Variants in CATSPERD observed in about 807,000 individuals in gnomAD.
CATSPERD encodes the protein cation channel sperm-associated auxiliary subunit delta.
In CATSPERD, 86 loss-of-function variants were observed where a neutral mutation model predicts 98.1. The observed-to-expected ratio is 0.88, with a 90% CI of 0.74 to 1.05. The LOEUF (loss-of-function observed/expected upper bound fraction) is 1.05. Ranked by LOEUF, CATSPERD falls within the 50% of genes least tolerant of loss-of-function variation. The pLI is 0.00. For synonymous variants in CATSPERD, 394 were observed against 390.2 expected (o/e 1.01, Z -0.12); for missense variants, 995 against 1,005.7 (o/e 0.99, Z 0.14).
intron 10 of CATSPERD, among the ~76,000 whole-genome samples, chr19:5,748,714 G>T (rs2056144624): frequency 7.2e-6 from 1 of 139,316 alleles, no homozygotes; most frequent in Non-Finnish European, 1.5e-5. Context: ...CCAGAAAATA[G>T]CTGTCATATT....
intron 3 of CATSPERD, among the ~76,000 whole-genome samples, chr19:5,727,566 A>G (rs1323083352): frequency 6.6e-6 from 1 of 152,136 alleles, no homozygotes; most frequent in Non-Finnish European, 1.5e-5. Flanking sequence ...CCACCTGTCA[A>G]AGATGCTTGG....
At chr19:5,769,595 T>C (rs2145855645) in intron 18 of CATSPERD, among the ~76,000 whole-genome samples, 1 of 152,150 alleles carries the variant, frequency 6.6e-6, no homozygotes, top group Middle Eastern at 3.4e-3. Context: ...TTCCATGTGA[T>C]TTGTAAGACC....
intron 18 of CATSPERD, 70 bp from the exon 19 acceptor site, chr19:5,770,874 G>A (rs771785429): frequency 1.6e-5 from 24 of 1,521,936 alleles, no homozygotes; most frequent in East Asian, 2.3e-5. Flanking sequence ...AAGAAACTGC[G>A]GCTGTGAAGG....
At chr19:5,774,618 G>A (rs2056708245) in intron 20 of CATSPERD, among the ~76,000 whole-genome samples, 1 of 152,190 alleles carries the variant, frequency 6.6e-6, no homozygotes, top group Non-Finnish European at 1.5e-5. Flanking sequence ...GAACCTAGGA[G>A]GTGAAGGTTG....
At position 5,724,797 on chromosome 19, in the gene CATSPERD, G is replaced by T. The variant is rs769661887; in HGVS notation, c.72-11G>T. 1.2e-6 allele frequency: 2 copies of T among 1,613,578 alleles called. No homozygotes were observed. Among genetic ancestry groups the T allele is most frequent in the Non-Finnish European group, 1.7e-6 (2 of 1,179,516 alleles). ...TAAAAATTGACAGATGGTCTTTCTT[G>T]TCACTTCTAGTTCTCGCACAGTGAG... On this transcript the variant is annotated splice_polypyrimidine_tract_variant and intron_variant, in intron 1 of 21. Transcript: ENST00000381624.
At chr19:5,733,735 C>T (rs1057396581) in intron 4 of CATSPERD, 121 bp from the exon 5 acceptor site, 13 of 676,882 alleles carry the variant, frequency 1.9e-5, no homozygotes, top group East Asian at 1.1e-4. Flanking sequence ...GGATTACAAG[C>T]GAGGGCCACC....
At chr19:5,731,859 G>A (rs2055732428) in intron 4 of CATSPERD, among the ~76,000 whole-genome samples, 1 of 152,130 alleles carries the variant, frequency 6.6e-6, no homozygotes, top group South Asian at 2.1e-4. Context: ...ACAGGCGTGA[G>A]CCACCGCGCC....
chr19:5,774,446 A>C (rs1030220469), intron 20 of CATSPERD, among the ~76,000 whole-genome samples: 11 of 151,528 alleles, frequency 7.3e-5, no homozygotes, highest in African/African-American at 2.7e-4. Context: ...TAATCCCAGC[A>C]CTTTGGGAGG....
At chr19:5,762,917 A>G (rs2056469451) in intron 15 of CATSPERD, among the ~76,000 whole-genome samples, 1 of 150,350 alleles carries the variant, frequency 6.7e-6, no homozygotes, top group African/African-American at 2.5e-5. Context: ...GGATAGAGAG[A>G]TGAATAGATA....
At chr19:5,739,273 A>C in intron 6 of CATSPERD, 53 bp from the exon 7 acceptor site, 675 of 892,526 alleles carry the variant, frequency 7.6e-4, no homozygotes, top group Non-Finnish European at 1.0e-3. Flanking sequence ...ACGTTCAGGA[A>C]CGTACTTGCT....
chr19:5,728,772 C>T (rs2145687112), intron 3 of CATSPERD, among the ~76,000 whole-genome samples: 1 of 150,764 alleles, frequency 6.6e-6, no homozygotes, highest in East Asian at 2.0e-4. Context: ...AATCTCGGCT[C>T]ACTGCAACCT....
chr19:5,749,130 G>A lies in CATSPERD; in HGVS notation c.934G>A (p.Glu312Lys). The stretch of plus-strand genomic sequence containing the variant: ...AAATGAACTGGCAGTTATAACTCGG[G>A]AGGATAATTTGTATTATGGCAATCT... Reference protein sequence around the residue: ...TENELAVITREDNLYYGNLGI... With the variant: ...TENELAVITRKDNLYYGNLGI... The change falls in exon 11 of 22, where the codon GAG becomes AAG. Residue 312 changes from glutamate (E) to lysine (K), a missense_variant. Physicochemically the swap from Glu to Lys is moderately conservative, Grantham distance 56. Transcript: ENST00000381624. 4 of 1,612,324 alleles carry A rather than the reference G, an allele frequency of 2.5e-6. No individual in the cohort carries two copies. In the East Asian group the frequency reaches 8.9e-5, roughly 36 times the overall value.
In CATSPERD at chr19:5,778,297, T is replaced by G; in HGVS notation, c.2097-79T>G. ...GGCCTGGTTCTCCCTCCTGTGGGTC[T>G]GAACACCTTTGCCAGAGATAAGGCG... On this transcript the variant is annotated intron_variant, in intron 21 of 21. Coordinates refer to ENST00000381624, the MANE Select transcript of CATSPERD (RefSeq NM_152784.4). 3 of 1,344,132 alleles carry G rather than the reference T, an allele frequency of 2.2e-6. No homozygotes were observed. The African/African-American group carries it at 4.3e-5, about 19-fold the overall frequency. The allele number at this position is 1,344,132 out of a possible 1,614,324, so 83.3% of individuals were successfully genotyped here.
chr19:5,758,889 A>G (rs911594313), intron 14 of CATSPERD, among the ~76,000 whole-genome samples, 197 bp from the exon 15 acceptor site: 17 of 142,050 alleles, frequency 1.2e-4, no homozygotes, highest in African/African-American at 4.3e-4. Flanking sequence ...GTGCTAATGC[A>G]CTCCAGCCTG....
chr19:5,737,239 T>G, intron 6 of CATSPERD, 34 bp downstream of exon 6: 1 of 1,424,674 alleles, frequency 7.0e-7, no homozygotes, highest in Non-Finnish European at 9.9e-7. Flanking sequence ...CATTTTTTTT[T>G]GCTCTCCTCT....
chr19:5,727,070 C>T (rs2055619060), intron 2 of CATSPERD, among the ~76,000 whole-genome samples, 198 bp from the exon 3 acceptor site: 1 of 152,238 alleles, frequency 6.6e-6, no homozygotes, highest in South Asian at 2.1e-4. Context: ...TGGCGGGCGC[C>T]TGTAGTCCCA....
At chr19:5,777,767 C>G (rs188178739) in intron 21 of CATSPERD, among the ~76,000 whole-genome samples, 1 of 151,772 alleles carries the variant, frequency 6.6e-6, no homozygotes, top group Non-Finnish European at 1.5e-5. Context: ...CCCAGCTACT[C>G]GGGAGGCTGA....
intron 17 of CATSPERD, 64 bp from the exon 18 acceptor site, chr19:5,768,104 C>G: frequency 6.9e-7 from 1 of 1,453,950 alleles, no homozygotes; most frequent in Non-Finnish European, 9.6e-7. Context: ...CTTTCTGTCC[C>G]ATCCATAATG....
At chr19:5,733,351 C>CCTTT (rs2055770559) in intron 4 of CATSPERD, among the ~76,000 whole-genome samples, 1 of 133,940 alleles carries the variant, frequency 7.5e-6, no homozygotes, top group African/African-American at 3.0e-5. Context: ...TTTCTTTCTT[C>CCTTT]CTTCCTTCCC....
Sources: allele counts gnomAD v4.1 joint callset (sites outside exome capture counted in the v4.1 genomes callset), GRCh38; gene constraint gnomAD v4.1.1; transcripts MANE v1.5; gene names NCBI Gene and HGNC (gene_info 2026-07-23, HGNC 2026-07-21).